Variants in SUSD6 observed in about 807,000 individuals in gnomAD.
SUSD6 encodes the protein sushi domain-containing protein 6.
In SUSD6, 16 loss-of-function variants were observed where a neutral mutation model predicts 28.4. The observed-to-expected ratio is 0.56, with a 90% CI of 0.38 to 0.86. The LOEUF is 0.86. Among genes scored for constraint, SUSD6 ranks in the 40% least tolerant of loss-of-function variants. SUSD6 has a pLI of 0.00. For synonymous variants in SUSD6, 147 were observed against 159.6 expected (o/e 0.92, Z 0.59); for missense variants, 341 against 384.2 (o/e 0.89, Z 0.94).
intron 2 of SUSD6, among the ~76,000 whole-genome samples, chr14:69,661,707 G>A (rs75961693): frequency 0.032 from 4,866 of 152,286 alleles, 101 homozygotes; most frequent in Middle Eastern, 0.068. Context: ...TGCCAAGCAG[G>A]CTTGTCCAGA....
intron 1 of SUSD6, among the ~76,000 whole-genome samples, chr14:69,640,079 G>A (rs1885329690): frequency 6.6e-6 from 1 of 150,858 alleles, no homozygotes; most frequent in African/African-American, 2.4e-5. Context: ...TAGTGGGGGA[G>A]GGAGGAACCA....
intron 3 of SUSD6, 73 bp from the exon 4 acceptor site, chr14:69,704,531 T>A (rs983031053): frequency 2.0e-5 from 29 of 1,468,016 alleles, no homozygotes; most frequent in Non-Finnish European, 2.6e-5. Context: ...TTTGACAAGA[T>A]CAGCTGTGGG....
In SUSD6 at chr14:69,658,530, C is replaced by T. The variant is rs1024843350; in HGVS notation, c.-63C>T. On this transcript the variant is annotated 5_prime_UTR_variant, in exon 2 of 6. Coordinates refer to ENST00000342745, the MANE Select transcript of SUSD6 (RefSeq NM_014734.4). Reference sequence around the variant, plus strand: ...TGTTACAGGTGAATCAGCTCCCGGCCGACTTTAGGATTCTTCTGGATTTTA... The same window carrying T: ...TGTTACAGGTGAATCAGCTCCCGGCTGACTTTAGGATTCTTCTGGATTTTA... 2.2e-5 allele frequency: 35 copies of T among 1,576,254 alleles called. No homozygotes were observed. Among genetic ancestry groups the T allele is most frequent in the South Asian group, 5.6e-5 (5 of 88,676 alleles).
chr14:69,620,403 A>G (rs947836318), intron 1 of SUSD6, among the ~76,000 whole-genome samples: 4 of 152,228 alleles, frequency 2.6e-5, no homozygotes, highest in Admixed American at 2.0e-4. Context: ...AAGTAAGTCT[A>G]GTTGTCTGGC....
chr14:69,640,423 T>A (rs1401848348), intron 1 of SUSD6, among the ~76,000 whole-genome samples: 1 of 152,152 alleles, frequency 6.6e-6, no homozygotes, highest in Non-Finnish European at 1.5e-5. Context: ...AACCTCGAAC[T>A]CCTTGGCTCA....
intron 2 of SUSD6, among the ~76,000 whole-genome samples, chr14:69,689,602 A>T (rs1286425941): frequency 6.6e-6 from 1 of 152,224 alleles, no homozygotes; most frequent in Non-Finnish European, 1.5e-5. Flanking sequence ...TGTTAAATTA[A>T]TGAAGGAATT....
rs941433423 is a variant in SUSD6 at position 69,639,636 on chromosome 14, A to G, written c.-80-18877A>G. 2.0e-5 allele frequency among the ~76,000 whole-genome samples: 3 copies of G among 152,334 alleles called. No homozygotes were observed. The East Asian group carries it at 5.8e-4, about 29-fold the overall frequency. On this transcript the variant is annotated intron_variant, in intron 1 of 5. Coordinates refer to ENST00000342745, the MANE Select transcript of SUSD6 (RefSeq NM_014734.4). ...GGGGGAGTTTTGCACCACATGTACA[A>G]CTAAGGTGGATCAACTGACATCTTG...
intron 1 of SUSD6, among the ~76,000 whole-genome samples, chr14:69,651,983 G>C (rs887854621): frequency 6.6e-6 from 1 of 152,138 alleles, no homozygotes; most frequent in Non-Finnish European, 1.5e-5. Flanking sequence ...ACTGTTCTTT[G>C]TCCTTTCTCA....
At chr14:69,656,547 G>C (rs1885585761) in intron 1 of SUSD6, among the ~76,000 whole-genome samples, 1 of 152,226 alleles carries the variant, frequency 6.6e-6, no homozygotes, top group Non-Finnish European at 1.5e-5. Context: ...TGTCAAATGA[G>C]ATGGTGGAAC....
chr14:69,657,505 G>A (rs989547776), intron 1 of SUSD6, among the ~76,000 whole-genome samples: 1 of 151,868 alleles, frequency 6.6e-6, no homozygotes, highest in Non-Finnish European at 1.5e-5. Context: ...GAGTCCCAGG[G>A]GCATCCTTTA....
intron 2 of SUSD6, among the ~76,000 whole-genome samples, chr14:69,674,443 T>C (rs1024116423): frequency 3.9e-5 from 6 of 152,206 alleles, no homozygotes; most frequent in Non-Finnish European, 8.8e-5. Flanking sequence ...TACTCATTTT[T>C]ACTCCTCAGC....
intron 1 of SUSD6, among the ~76,000 whole-genome samples, chr14:69,644,514 G>GGGGCGTGT (rs1163923996): frequency 6.6e-6 from 1 of 152,098 alleles, no homozygotes; most frequent in Non-Finnish European, 1.5e-5. Context: ...GCTGGGCTTG[G>GGGGCGTGT]GGGCGTGTGC....
chr14:69,640,900 G>A (rs1428797579), intron 1 of SUSD6, among the ~76,000 whole-genome samples: 5 of 152,298 alleles, frequency 3.3e-5, no homozygotes, highest in Non-Finnish European at 5.9e-5. Flanking sequence ...ATAAAACATG[G>A]GTAAATGCCC....
intron 1 of SUSD6, among the ~76,000 whole-genome samples, chr14:69,613,609 G>C (rs1408735328): frequency 1.3e-5 from 2 of 152,204 alleles, no homozygotes; most frequent in East Asian, 3.8e-4. Context: ...TCAGAATCCA[G>C]CTCTCATGGA....
chr14:69,693,576 G>GCT (rs1242165286), intron 2 of SUSD6, among the ~76,000 whole-genome samples: 1 of 152,114 alleles, frequency 6.6e-6, no homozygotes, highest in Non-Finnish European at 1.5e-5. Context: ...TTTTACCAAA[G>GCT]CCTTTGCCCA....
At chr14:69,671,282 T>C (rs1284876507) in intron 2 of SUSD6, among the ~76,000 whole-genome samples, 1 of 152,156 alleles carries the variant, frequency 6.6e-6, no homozygotes, top group Non-Finnish European at 1.5e-5. Context: ...AGGAGGATGT[T>C]AATTTTAGGT....
chr14:69,671,500 C>G (rs1885831618), intron 2 of SUSD6, among the ~76,000 whole-genome samples: 1 of 152,184 alleles, frequency 6.6e-6, no homozygotes, highest in Non-Finnish European at 1.5e-5. Flanking sequence ...GACAAAGACT[C>G]CTTATTTCAG....
At chr14:69,619,361 T>G (rs1489153619) in intron 1 of SUSD6, among the ~76,000 whole-genome samples, 1 of 152,222 alleles carries the variant, frequency 6.6e-6, no homozygotes, top group African/African-American at 2.4e-5. Context: ...CTTTATTCCT[T>G]TACTTTCTTA....
At chr14:69,672,636 A>G (rs1352669843) in intron 2 of SUSD6, among the ~76,000 whole-genome samples, 1 of 152,242 alleles carries the variant, frequency 6.6e-6, no homozygotes, top group Non-Finnish European at 1.5e-5. Flanking sequence ...GATGTGTACC[A>G]GGAAGTGTCA....
Sources: allele counts gnomAD v4.1 joint callset (sites outside exome capture counted in the v4.1 genomes callset), GRCh38; gene constraint gnomAD v4.1.1; transcripts MANE v1.5; gene names NCBI Gene and HGNC (gene_info 2026-07-23, HGNC 2026-07-21).